Variants in CD47 observed in about 807,000 individuals in gnomAD.
CD47 encodes the protein CD47 molecule.
In CD47, 11 loss-of-function variants were observed where a neutral mutation model predicts 44.6. The observed-to-expected ratio is 0.25, with a 90% CI of 0.16 to 0.41. The LOEUF (loss-of-function observed/expected upper bound fraction) is 0.41. Ranked by LOEUF, CD47 falls within the 10% of genes least tolerant of loss-of-function variation. The pLI, the probability that CD47 is intolerant of heterozygous loss-of-function variation, is 1.00. For synonymous variants in CD47, 140 were observed against 136.3 expected (o/e 1.03, Z -0.19); for missense variants, 306 against 386.7 (o/e 0.79, Z 1.75).
chr3:108,085,759 T>C (rs897625051), intron 1 of CD47, among the ~76,000 whole-genome samples: 3 of 152,156 alleles, frequency 2.0e-5, no homozygotes, highest in African/African-American at 7.2e-5. Context: ...TTCAATACCT[T>C]CCTTGTGAAT....
At chr3:108,083,935 A>G (rs2079466808) in intron 1 of CD47, among the ~76,000 whole-genome samples, 1 of 148,574 alleles carries the variant, frequency 6.7e-6, no homozygotes, top group African/African-American at 2.5e-5. Context: ...AATGAATCCC[A>G]TCACCTGAAA....
At chr3:108,079,885 C>T (rs2079383466) in intron 2 of CD47, 106 bp downstream of exon 2, 1 of 668,102 alleles carries the variant, frequency 1.5e-6, no homozygotes, top group Admixed American at 2.5e-5. Context: ...TAATAACAGC[C>T]TGCTTTTTGA....
At chr3:108,081,596 A>G (rs1051258369) in intron 1 of CD47, among the ~76,000 whole-genome samples, 6 of 151,874 alleles carry the variant, frequency 4.0e-5, no homozygotes, top group African/African-American at 1.5e-4. Flanking sequence ...TAAAAATACT[A>G]TTTCTGCCCC....
intron 7 of CD47, chr3:108,055,679 A>G (rs2078902000): frequency 4.0e-6 from 2 of 502,560 alleles, no homozygotes; most frequent in Admixed American, 5.5e-5. Context: ...ATTTTAGCAT[A>G]TAGTATACTT....
At chr3:108,056,282 A>G (rs186574386) in intron 7 of CD47, among the ~76,000 whole-genome samples, 2 of 152,358 alleles carry the variant, frequency 1.3e-5, no homozygotes, top group East Asian at 3.9e-4. Context: ...TTCATTGAGC[A>G]ACAACTAAGA....
chr3:108,049,305 G>A (rs998974246), intron 10 of CD47, among the ~76,000 whole-genome samples: 11 of 152,162 alleles, frequency 7.2e-5, no homozygotes, highest in African/African-American at 2.7e-4. Flanking sequence ...TTATTTATGT[G>A]CCTTATAAAA....
chr3:108,047,175 T>C lies in CD47; in HGVS notation c.*113A>G, dbSNP rs903484679. ...GTCTCATAGGTGACAACCAGTTACT[T>C]TTCTTGTTTCTTCTCCCCAACAGTG... On this transcript the variant is annotated 3_prime_UTR_variant, in exon 11 of 11. Coordinates refer to ENST00000361309, the MANE Select transcript of CD47 (RefSeq NM_001777.4). The C allele has an allele frequency of 3.8e-6, 3 of 793,600 alleles. No individual in the cohort carries two copies. The highest frequency in any genetic ancestry group is 3.5e-5 in the African/African-American group (2 of 56,996). 49.2% of individuals were successfully genotyped at this position (793,600 alleles called of 1,614,324 possible).
chr3:108,085,973 A>G (rs1460752239), intron 1 of CD47, among the ~76,000 whole-genome samples: 1 of 152,150 alleles, frequency 6.6e-6, no homozygotes, highest in Non-Finnish European at 1.5e-5. Context: ...TAAAAATCAC[A>G]AGAATGTGTC....
intron 1 of CD47, among the ~76,000 whole-genome samples, chr3:108,086,110 G>A (rs546627905): frequency 6.6e-6 from 1 of 152,176 alleles, no homozygotes; most frequent in East Asian, 1.9e-4. Flanking sequence ...GTGAAGAACT[G>A]AAAGCAGAGA....
chr3:108,067,002 T>C (rs2079115376), intron 3 of CD47, among the ~76,000 whole-genome samples: 1 of 152,188 alleles, frequency 6.6e-6, no homozygotes, highest in African/African-American at 2.4e-5. Flanking sequence ...GATCCAAACT[T>C]AGAAAGGGGT....
intron 2 of CD47, among the ~76,000 whole-genome samples, chr3:108,071,905 T>C (rs934622408): frequency 3.9e-5 from 6 of 152,186 alleles, no homozygotes; most frequent in African/African-American, 1.4e-4. Flanking sequence ...CAATTATCCA[T>C]GCATAATTAG....
chr3:108,071,160 T>C lies in CD47; in HGVS notation c.423A>G (p.Glu141=). The change falls in exon 3 of 11, where the codon GAA becomes GAG. Residue 141 remains glutamate, a synonymous_variant. Transcript: ENST00000361309. ...YRVVSWFSPN[E]NILIVIFPIF... Reference sequence around the variant, plus strand: ...TTGGGAAAATAACAATAAGAATATTTTCATTTGGAGAAAACCATGAAACTG... The same window carrying C: ...TTGGGAAAATAACAATAAGAATATTCTCATTTGGAGAAAACCATGAAACTG... The C allele has an allele frequency of 6.7e-7, 1 of 1,490,618 alleles. No homozygotes were observed. Among genetic ancestry groups the C allele is most frequent in the Admixed American group, 1.9e-5 (1 of 51,414 alleles). 92.3% of individuals were successfully genotyped at this position (1,490,618 alleles called of 1,614,324 possible).
chr3:108,060,535 C>A (rs1401880074), intron 4 of CD47, among the ~76,000 whole-genome samples: 1 of 152,194 alleles, frequency 6.6e-6, no homozygotes, highest in Non-Finnish European at 1.5e-5. Flanking sequence ...GAAATGGATT[C>A]TTCCATACAG....
rs1404326300 is a variant in CD47, at chr3:108,046,597, C to T, written c.*691G>A. ...AGGGGTTATGTGAATAAAAGGAAAA[C>T]ATATCCATCAATAAAAGTACCCTAA... is the stretch of plus-strand genomic sequence containing the variant. On this transcript the variant is annotated 3_prime_UTR_variant, in exon 11 of 11. Coordinates refer to ENST00000361309, the MANE Select transcript of CD47 (RefSeq NM_001777.4). 6.6e-6 allele frequency: 1 copy of T among 152,522 alleles called. No homozygotes were observed. Among genetic ancestry groups the T allele is most frequent in the African/African-American group, 2.4e-5 (1 of 41,400 alleles). 9.4% of individuals were successfully genotyped at this position (152,522 alleles called of 1,614,324 possible).
chr3:108,048,187 T>C (rs1443515391), intron 10 of CD47, among the ~76,000 whole-genome samples: 1 of 152,192 alleles, frequency 6.6e-6, no homozygotes, highest in Admixed American at 6.5e-5. Context: ...CTAGTCATTT[T>C]ATGTTTTGTT....
intron 3 of CD47, among the ~76,000 whole-genome samples, chr3:108,066,869 C>A (rs2079112944): frequency 6.6e-6 from 1 of 151,928 alleles, no homozygotes; most frequent in African/African-American, 2.4e-5. Context: ...GAGGATGTAA[C>A]AAAAAGAATA....
chr3:108,044,415 CAAAAAAAAAAA>C lies in CD47; in HGVS notation c.*2862_*2872del, dbSNP rs55777019. The C allele has an allele frequency of 3.5e-4, 12 of 34,108 alleles. No individual in the cohort carries two copies. The highest frequency in any genetic ancestry group is 1.3e-3 in the East Asian group (2 of 1,592). The allele number at this position is 34,108 out of a possible 1,614,324, so 2.1% of individuals were successfully genotyped here. ...GGTTTTTAGAGCATGTGAAATTAGT[CAAAAAAAAAAA>C]AAAAAAAAAAAAAAAAAAAAACAAA... On this transcript the variant is annotated 3_prime_UTR_variant, in exon 11 of 11. Coordinates refer to ENST00000361309, the MANE Select transcript of CD47 (RefSeq NM_001777.4).
At chr3:108,070,867 A>C (rs539700089) in intron 3 of CD47, among the ~76,000 whole-genome samples, 1 of 152,252 alleles carries the variant, frequency 6.6e-6, no homozygotes, top group Admixed American at 6.5e-5. Context: ...TAAGAGATTA[A>C]AAAAACACCA....
rs2078656944 is a variant in CD47, at chr3:108,043,175, A to G, written c.*4113T>C. 6.6e-6 allele frequency: 1 copy of G among 152,650 alleles called. No homozygotes were observed. Among genetic ancestry groups the G allele is most frequent in the Admixed American group, 6.5e-5 (1 of 15,286 alleles). 9.5% of individuals were successfully genotyped at this position (152,650 alleles called of 1,614,324 possible). ...TATACTCAAAAAATTCATAATTAAT[A>G]TTTTAAATCATTCTTTACATTGTTA... On this transcript the variant is annotated 3_prime_UTR_variant, in exon 11 of 11. Coordinates refer to ENST00000361309, the MANE Select transcript of CD47 (RefSeq NM_001777.4).
Sources: gnomAD v4.1 joint callset for allele counts (sites outside exome capture counted in the v4.1 genomes callset) on GRCh38, gnomAD v4.1.1 for gene constraint, MANE v1.5 for transcripts, NCBI Gene and HGNC (gene_info 2026-07-23, HGNC 2026-07-21) for gene names.